Variants in PALS2 observed in about 807,000 individuals in gnomAD.
PALS2 encodes protein PALS2.
In PALS2, 27 loss-of-function variants were observed where a neutral mutation model predicts 61.6. The ratio of observed to expected loss-of-function variants is 0.44; its 90% confidence interval spans 0.32 to 0.60. PALS2 has a LOEUF of 0.60. Among genes scored for constraint, PALS2 ranks in the 20% least tolerant of loss-of-function variants. The pLI is 0.05. For synonymous variants in PALS2, 236 were observed against 218.6 expected, an observed-to-expected ratio of 1.08 and a Z score of -0.70; for missense variants, 554 against 639.4, an observed-to-expected ratio of 0.87 and a Z score of 1.44.
intron 1 of PALS2, among the ~76,000 whole-genome samples, chr7:24,574,551 G>T (rs1013692178): frequency 1.3e-5 from 2 of 152,022 alleles, no homozygotes; most frequent in African/African-American, 4.8e-5. Flanking sequence ...GCGAGGGAGA[G>T]AATTGAAGAC....
intron 1 of PALS2, among the ~76,000 whole-genome samples, chr7:24,574,699 C>G (rs1292214377): frequency 6.6e-6 from 1 of 152,008 alleles, no homozygotes; most frequent in Non-Finnish European, 1.5e-5. Flanking sequence ...TACAAGTGGT[C>G]TTGTAGTGTA....
intron 5 of PALS2, among the ~76,000 whole-genome samples, chr7:24,652,166 G>A (rs185688459): frequency 3.3e-5 from 5 of 152,216 alleles, no homozygotes; most frequent in African/African-American, 1.2e-4. Context: ...GTAAAATCTA[G>A]GATTTACGTA....
chr7:24,631,022 G>A (rs141902927), intron 2 of PALS2, among the ~76,000 whole-genome samples: 1 of 152,302 alleles, frequency 6.6e-6, no homozygotes, highest in African/African-American at 2.4e-5. Flanking sequence ...GGATTAAGGG[G>A]TAATTTTGAC....
At chr7:24,621,531 A>C (rs561751251) in intron 1 of PALS2, among the ~76,000 whole-genome samples, 122 of 152,186 alleles carry the variant, frequency 8.0e-4, no homozygotes, top group Non-Finnish European at 1.4e-3. Context: ...TTCTAACAGA[A>C]AATAGATAAT....
chr7:24,683,308 T>C (rs1242425059), intron 11 of PALS2, among the ~76,000 whole-genome samples: 1 of 152,232 alleles, frequency 6.6e-6, no homozygotes, highest in Non-Finnish European at 1.5e-5. Flanking sequence ...TACTGTCCTT[T>C]GTAGGTCAGC....
chr7:24,574,049 G>C (rs1371656278), intron 1 of PALS2: 2 of 152,300 alleles, frequency 1.3e-5, no homozygotes, highest in East Asian at 3.9e-4. Flanking sequence ...GAGCCGGCCT[G>C]GGGGCGGCGT....
intron 9 of PALS2, among the ~76,000 whole-genome samples, chr7:24,678,666 TACTC>T (rs143230163): frequency 0.016 from 2,385 of 152,272 alleles, 68 homozygotes; most frequent in African/African-American, 0.055. Context: ...GTTGAAAAGA[TACTC>T]ACTCACAACA....
At position 24,691,385 on chromosome 7, in the gene PALS2, A is replaced by ATGTGTGTGTGTGTGTG. The variant is rs1306601413; in HGVS notation, c.*3774_*3775insGTGTGTGTGTGTGTGT. On this transcript the variant is annotated 3_prime_UTR_variant, in exon 12 of 12. Coordinates refer to ENST00000222644, the MANE Select transcript of PALS2 (RefSeq NM_001303037.2). ...TTAAATGTTCGAGTTGCCATATATTATGTATGTGTGTGTGTGTGTGTATAT... is the reference window on the plus strand; with the variant it reads ...TTAAATGTTCGAGTTGCCATATATTATGTGTGTGTGTGTGTGTGTATGTGTGTGTGTGTGTGTATAT... The ATGTGTGTGTGTGTGTG allele has an allele frequency of 7.0e-5, 4 of 57,010 alleles. No individual in the cohort carries two copies. The highest frequency in any genetic ancestry group is 4.4e-4 in the African/African-American group (4 of 9,146). The allele number at this position is 57,010 out of a possible 1,614,324, so 3.5% of individuals were successfully genotyped here.
intron 1 of PALS2, chr7:24,574,195 C>T (rs1033717051): frequency 2.0e-5 from 3 of 152,268 alleles, no homozygotes; most frequent in Non-Finnish European, 4.4e-5. Flanking sequence ...TACGAGACTC[C>T]AGTTGTTTGG....
At chr7:24,604,939 A>G (rs1258211793) in intron 1 of PALS2, among the ~76,000 whole-genome samples, 3 of 152,234 alleles carry the variant, frequency 2.0e-5, no homozygotes, top group Admixed American at 6.5e-5. Flanking sequence ...GCCCCAGGCA[A>G]GAAGGCCACA....
chr7:24,597,762 TG>T (rs1305572384), intron 1 of PALS2, among the ~76,000 whole-genome samples: 1 of 152,164 alleles, frequency 6.6e-6, no homozygotes, highest in Non-Finnish European at 1.5e-5. Context: ...ATTCTGCAAG[TG>T]AAAGGGAATT....
intron 8 of PALS2, among the ~76,000 whole-genome samples, chr7:24,667,504 C>G (rs554123365): frequency 4.1e-4 from 62 of 152,084 alleles, no homozygotes; most frequent in African/African-American, 1.3e-3. Context: ...CTCCTGTCCT[C>G]CGTATTTGCT....
At chr7:24,677,324 CA>C (rs1490369984) in intron 9 of PALS2, among the ~76,000 whole-genome samples, 1 of 152,058 alleles carries the variant, frequency 6.6e-6, no homozygotes, top group East Asian at 1.9e-4. Flanking sequence ...CAAACAGGGA[CA>C]ATTTGACTTC....
chr7:24,600,568 G>C (rs1315744278), intron 1 of PALS2, among the ~76,000 whole-genome samples: 1 of 152,158 alleles, frequency 6.6e-6, no homozygotes, highest in East Asian at 1.9e-4. Flanking sequence ...TGCCAGTTAA[G>C]GAAAATTTAT....
intron 3 of PALS2, among the ~76,000 whole-genome samples, chr7:24,648,777 C>T (rs922995757): frequency 1.6e-4 from 24 of 151,546 alleles, no homozygotes; most frequent in African/African-American, 5.1e-4. Flanking sequence ...TGGTGGCATG[C>T]GCCTGTAGTC....
chr7:24,621,877 G>A (rs1784535533), intron 1 of PALS2, among the ~76,000 whole-genome samples: 1 of 151,820 alleles, frequency 6.6e-6, no homozygotes, highest in Non-Finnish European at 1.5e-5. Context: ...GAGGGGAGGG[G>A]TCTAGCGTCA....
chr7:24,619,067 G>A (rs1197814638), intron 1 of PALS2, among the ~76,000 whole-genome samples: 1 of 152,170 alleles, frequency 6.6e-6, no homozygotes, highest in Non-Finnish European at 1.5e-5. Flanking sequence ...TTGATTGGAT[G>A]ACTTTTGCTT....
intron 3 of PALS2, among the ~76,000 whole-genome samples, chr7:24,643,250 A>G (rs1785655796): frequency 6.6e-6 from 1 of 152,126 alleles, no homozygotes; most frequent in South Asian, 2.1e-4. Context: ...CAGGAATGCT[A>G]CTTATTATTA....
intron 1 of PALS2, among the ~76,000 whole-genome samples, chr7:24,589,663 A>G (rs1783207874): frequency 6.6e-6 from 1 of 152,196 alleles, no homozygotes; most frequent in South Asian, 2.1e-4. Flanking sequence ...AATGAGTAAC[A>G]TAGTTCTCTC....
Sources: allele counts gnomAD v4.1 joint callset (sites outside exome capture counted in the v4.1 genomes callset), GRCh38; gene constraint gnomAD v4.1.1; transcripts MANE v1.5; gene names NCBI Gene and HGNC (gene_info 2026-07-23, HGNC 2026-07-21).